CNTN4: variants seen among roughly 807,000 people sequenced by gnomAD.
CNTN4 encodes the protein contactin 4.
In CNTN4, 77 loss-of-function variants were observed where a neutral mutation model predicts 122.5. The observed-to-expected ratio is 0.63, with a 90% CI of 0.52 to 0.76. The LOEUF is 0.76. CNTN4 is among the 30% of genes least tolerant of loss of function. The pLI, the probability that CNTN4 is intolerant of heterozygous loss-of-function variation, is 0.00. For synonymous variants in CNTN4, 512 were observed against 447.0 expected (o/e 1.15, Z -1.83); for missense variants, 1,256 against 1,259.1 (o/e 1.00, Z 0.04).
chr3:2,129,958 A>AG (rs2034372820), intron 2 of CNTN4, among the ~76,000 whole-genome samples: 1 of 152,056 alleles, frequency 6.6e-6, no homozygotes, highest in Non-Finnish European at 1.5e-5. Flanking sequence ...TAAATTTTAC[A>AG]TATTATCAGT....
At chr3:2,798,372 T>TCTAC (rs1220371292) in intron 6 of CNTN4, among the ~76,000 whole-genome samples, 68 of 149,814 alleles carry the variant, frequency 4.5e-4, no homozygotes, top group South Asian at 4.0e-3. Context: ...CATAAATCTA[T>TCTAC]CTATCTATCT....
chr3:2,784,861 G>A (rs954882), intron 6 of CNTN4, among the ~76,000 whole-genome samples: 22,479 of 152,150 alleles, frequency 0.15, 2,053 homozygotes, highest in African/African-American at 0.26. Flanking sequence ...TTCAATAAGC[G>A]CTAGTTCCCT....
At chr3:2,167,170 G>A (rs2036232279) in intron 2 of CNTN4, among the ~76,000 whole-genome samples, 1 of 152,078 alleles carries the variant, frequency 6.6e-6, no homozygotes, top group South Asian at 2.1e-4. Context: ...CCAATTCCAT[G>A]CTGTTTAAAA....
intron 2 of CNTN4, among the ~76,000 whole-genome samples, chr3:2,206,090 A>G (rs1018459431): frequency 1.3e-5 from 2 of 152,068 alleles, no homozygotes; most frequent in African/African-American, 2.4e-5. Flanking sequence ...AGCTCTTACA[A>G]TGTTCTTTTT....
chr3:2,417,759 G>A (rs2047469105), intron 3 of CNTN4, among the ~76,000 whole-genome samples: 1 of 152,172 alleles, frequency 6.6e-6, no homozygotes, highest in African/African-American at 2.4e-5. Flanking sequence ...GAATGGTTAA[G>A]TAAACTGTGG....
At chr3:2,211,895 A>C (rs951446863) in intron 2 of CNTN4, among the ~76,000 whole-genome samples, 2 of 152,176 alleles carry the variant, frequency 1.3e-5, no homozygotes, top group African/African-American at 2.4e-5. Context: ...AATTTTCCCT[A>C]CATTAATTTC....
At chr3:2,242,123 A>G (rs2039964939) in intron 2 of CNTN4, among the ~76,000 whole-genome samples, 2 of 152,172 alleles carry the variant, frequency 1.3e-5, no homozygotes, top group South Asian at 4.1e-4. Flanking sequence ...TAAATGCATA[A>G]TAACTTTTAA....
intron 4 of CNTN4, among the ~76,000 whole-genome samples, chr3:2,600,271 G>C (rs1442936011): frequency 6.6e-6 from 1 of 151,616 alleles, no homozygotes; most frequent in African/African-American, 2.4e-5. Context: ...TGTTACATTT[G>C]TATACACACG....
intron 2 of CNTN4, among the ~76,000 whole-genome samples, chr3:2,193,596 T>C (rs1399437243): frequency 6.6e-6 from 1 of 152,198 alleles, no homozygotes. Flanking sequence ...TTAACAACAC[T>C]GAAACACAGC....
At chr3:2,854,421 T>C (rs905202420) in intron 7 of CNTN4, among the ~76,000 whole-genome samples, 2 of 136,364 alleles carry the variant, frequency 1.5e-5, no homozygotes, top group Non-Finnish European at 3.1e-5. Context: ...TACAGGCGCC[T>C]GCCACCACGC....
chr3:2,243,817 A>G (rs2040035645), intron 2 of CNTN4, among the ~76,000 whole-genome samples: 1 of 152,072 alleles, frequency 6.6e-6, no homozygotes, highest in Admixed American at 6.6e-5. Flanking sequence ...CATTTGATAG[A>G]GTAATCAGTG....
At chr3:2,151,427 G>T (rs1264404646) in intron 2 of CNTN4, among the ~76,000 whole-genome samples, 1 of 152,160 alleles carries the variant, frequency 6.6e-6, no homozygotes, top group African/African-American at 2.4e-5. Flanking sequence ...CAGGGCTCTG[G>T]GGCCAAAACA....
intron 7 of CNTN4, among the ~76,000 whole-genome samples, chr3:2,835,115 C>G (rs2093196237): frequency 6.6e-6 from 1 of 151,504 alleles, no homozygotes; most frequent in African/African-American, 2.4e-5. Context: ...CCGTGTTAGC[C>G]AGGATGGTCT....
At chr3:2,406,892 G>C (rs1246996360) in intron 3 of CNTN4, among the ~76,000 whole-genome samples, 1 of 152,098 alleles carries the variant, frequency 6.6e-6, no homozygotes, top group Non-Finnish European at 1.5e-5. Flanking sequence ...GTACTCAGAT[G>C]CACTTACTGT....
chr3:2,786,010 C>A (rs568798240), intron 6 of CNTN4, among the ~76,000 whole-genome samples: 2 of 151,190 alleles, frequency 1.3e-5, no homozygotes, highest in African/African-American at 4.9e-5. Context: ...GAAGAACCAG[C>A]TGGGCATCGG....
intron 2 of CNTN4, among the ~76,000 whole-genome samples, chr3:2,177,656 T>G (rs200003193): frequency 2.0e-5 from 3 of 147,542 alleles, no homozygotes; most frequent in Admixed American, 6.8e-5. Context: ...GTGTGTGTGT[T>G]TGTGTGTGTG....
intron 3 of CNTN4, among the ~76,000 whole-genome samples, chr3:2,514,469 CT>C (rs1231102315): frequency 2.3e-4 from 31 of 136,586 alleles, no homozygotes; most frequent in African/African-American, 9.5e-4. Flanking sequence ...GAAACTCTGT[CT>C]TTAAAAAAAA....
At chr3:2,958,286 G>A (rs575410815) in intron 13 of CNTN4, among the ~76,000 whole-genome samples, 3 of 152,260 alleles carry the variant, frequency 2.0e-5, no homozygotes, top group African/African-American at 4.8e-5. Context: ...ACATTAATAA[G>A]TGAGCACCCC....
intron 6 of CNTN4, among the ~76,000 whole-genome samples, chr3:2,793,782 G>T (rs771986123): frequency 1.1e-4 from 16 of 152,118 alleles, no homozygotes; most frequent in Non-Finnish European, 1.9e-4. Context: ...TACAGTTACT[G>T]ACTACAGAAT....
Sources: allele counts gnomAD v4.1 joint callset (sites outside exome capture counted in the v4.1 genomes callset), GRCh38; gene constraint gnomAD v4.1.1; transcripts MANE v1.5; gene names NCBI Gene and HGNC (gene_info 2026-07-23, HGNC 2026-07-21).